VAV3: variants seen among roughly 807,000 people sequenced by gnomAD.
VAV3 encodes guanine nucleotide exchange factor VAV3.
Under a neutral mutation model 131.2 loss-of-function variants are expected in VAV3, and 94 were observed. That is an observed-to-expected ratio of 0.72 (90% confidence interval 0.61 to 0.85). The LOEUF (loss-of-function observed/expected upper bound fraction) is 0.85, where lower values mean the gene tolerates loss of function less well. Ranked by LOEUF, VAV3 falls within the 40% of genes least tolerant of loss-of-function variation. The pLI is 0.00. For synonymous variants in VAV3, 349 were observed against 342.0 expected (o/e 1.02, Z -0.22); for missense variants, 939 against 1,002.7 (o/e 0.94, Z 0.86).
chr1:107,938,703 T>C (rs1284645015), intron 1 of VAV3, among the ~76,000 whole-genome samples: 1 of 152,204 alleles, frequency 6.6e-6, no homozygotes, highest in Non-Finnish European at 1.5e-5. Context: ...AATATTCTCA[T>C]GTCAACAAGT....
chr1:107,821,696 G>A (rs1167105000), intron 2 of VAV3, among the ~76,000 whole-genome samples: 1 of 152,186 alleles, frequency 6.6e-6, no homozygotes, highest in Admixed American at 6.5e-5. Context: ...GCTGGGGAGT[G>A]CACAGTGTGA....
At chr1:107,715,128 T>C (rs1181999659) in intron 15 of VAV3, among the ~76,000 whole-genome samples, 4 of 152,110 alleles carry the variant, frequency 2.6e-5, no homozygotes, top group Non-Finnish European at 5.9e-5. Flanking sequence ...TCCTCACCAA[T>C]CAAAGAACTA....
chr1:107,749,184 T>C, intron 14 of VAV3, 107 bp from the exon 15 acceptor site: 2 of 908,100 alleles, frequency 2.2e-6, no homozygotes, highest in Non-Finnish European at 3.3e-6. Context: ...ATTATCAATG[T>C]ACAAACTGAA....
At chr1:107,682,136 T>C (rs1273333484) in intron 19 of VAV3, among the ~76,000 whole-genome samples, 2 of 152,196 alleles carry the variant, frequency 1.3e-5, no homozygotes, top group East Asian at 3.8e-4. Context: ...TACTTTGCCA[T>C]ATTTCTAATC....
intron 26 of VAV3, 72 bp downstream of exon 26, chr1:107,573,975 C>T (rs1649436094): frequency 1.3e-5 from 21 of 1,572,390 alleles, no homozygotes; most frequent in Non-Finnish European, 3.5e-6. Flanking sequence ...CTCCCTGGTG[C>T]CACAATGGGT....
intron 2 of VAV3, among the ~76,000 whole-genome samples, chr1:107,837,720 A>C (rs1476575727): frequency 3.3e-5 from 5 of 152,134 alleles, no homozygotes. Flanking sequence ...ATACAGAACC[A>C]ATAAATAAAG....
At position 107,571,166 on chromosome 1, in the gene VAV3, TTA is replaced by T. The variant is rs1649234695; in HGVS notation, c.*2163_*2164del. On this transcript the variant is annotated 3_prime_UTR_variant, in exon 27 of 27. Coordinates refer to ENST00000370056, the MANE Select transcript of VAV3 (RefSeq NM_006113.5). ...AAGACTCCAACTCTTAGAAATCAAT[TTA>T]GTCACTATTTATTATATTGACATAT... The T allele has an allele frequency of 6.6e-6, 1 of 152,656 alleles. No individual in the cohort carries two copies. Among genetic ancestry groups the T allele is most frequent in the African/African-American group, 2.4e-5 (1 of 41,452 alleles). The allele number at this position is 152,656 out of a possible 1,614,324, so 9.5% of individuals were successfully genotyped here.
At chr1:107,611,596 C>CAA (rs66982121) in intron 21 of VAV3, among the ~76,000 whole-genome samples, 1,642 of 119,908 alleles carry the variant, frequency 0.014, 17 homozygotes, top group African/African-American at 0.032. Context: ...CATAGAGAAC[C>CAA]AAAAAAAAAA....
intron 2 of VAV3, among the ~76,000 whole-genome samples, chr1:107,863,282 T>G (rs1181703611): frequency 6.6e-6 from 1 of 152,206 alleles, no homozygotes; most frequent in Non-Finnish European, 1.5e-5. Context: ...TCTTTTACAG[T>G]TGCTCTAGTA....
chr1:107,662,196 A>T (rs1160420287), intron 19 of VAV3, among the ~76,000 whole-genome samples: 3 of 152,126 alleles, frequency 2.0e-5, no homozygotes, highest in African/African-American at 7.2e-5. Flanking sequence ...GACTGTCAAC[A>T]AACTTATATC....
chr1:107,801,177 T>C (rs1433334235), intron 2 of VAV3, among the ~76,000 whole-genome samples: 1 of 152,134 alleles, frequency 6.6e-6, no homozygotes. Context: ...TTGGTCTACA[T>C]GTTTGTTTCC....
In VAV3 at chr1:107,868,350, T is replaced by C. The variant is rs976409989; in HGVS notation, c.321+6551A>G. 3.3e-5 allele frequency among the ~76,000 whole-genome samples: 5 copies of C among 152,150 alleles called. No homozygotes were observed. The South Asian group carries it at 8.3e-4, about 25-fold the overall frequency. Reference sequence around the variant, plus strand: ...CAGGTGTTGATTAACGTGTATGCACTAGATAATAAGGCTCTTTCAAGCCAT... The same window carrying C: ...CAGGTGTTGATTAACGTGTATGCACCAGATAATAAGGCTCTTTCAAGCCAT... On this transcript the variant is annotated intron_variant, in intron 2 of 26. Transcript: ENST00000370056.
intron 1 of VAV3, among the ~76,000 whole-genome samples, chr1:107,919,312 A>T (rs987219478): frequency 3.2e-4 from 49 of 152,360 alleles, no homozygotes; most frequent in African/African-American, 1.1e-3. Flanking sequence ...TTTAGAGGAA[A>T]GTAATATAAA....
chr1:107,945,901 G>A (rs1674239213), intron 1 of VAV3, among the ~76,000 whole-genome samples: 1 of 151,830 alleles, frequency 6.6e-6, no homozygotes, highest in Non-Finnish European at 1.5e-5. Context: ...TATACAAGGG[G>A]TATTTGGAAA....
intron 11 of VAV3, among the ~76,000 whole-genome samples, chr1:107,756,508 C>T (rs964854387): frequency 2.0e-5 from 3 of 152,100 alleles, no homozygotes; most frequent in Admixed American, 6.6e-5. Flanking sequence ...GAAGCTAACA[C>T]GAATTGGTAC....
At chr1:107,896,880 A>G (rs1216250675) in intron 1 of VAV3, among the ~76,000 whole-genome samples, 2 of 152,164 alleles carry the variant, frequency 1.3e-5, no homozygotes, top group Admixed American at 6.5e-5. Flanking sequence ...GGGACTAAAG[A>G]GTTTGACTCC....
At chr1:107,631,475 T>G (rs1001953928) in intron 20 of VAV3, among the ~76,000 whole-genome samples, 1 of 63,724 alleles carries the variant, frequency 1.6e-5, no homozygotes, top group Non-Finnish European at 4.0e-5. Context: ...CTTTTTTAAT[T>G]TTATTTTATT....
At chr1:107,720,833 T>C (rs1661452628) in intron 15 of VAV3, among the ~76,000 whole-genome samples, 1 of 152,170 alleles carries the variant, frequency 6.6e-6, no homozygotes, top group Admixed American at 6.5e-5. Context: ...TGAGCAGGAC[T>C]TGGGGAGCCA....
At chr1:107,928,699 G>C (rs1222736512) in intron 1 of VAV3, among the ~76,000 whole-genome samples, 1 of 152,090 alleles carries the variant, frequency 6.6e-6, no homozygotes, top group Non-Finnish European at 1.5e-5. Context: ...AAAATACACA[G>C]TCAGAGGAGG....
Sources: gnomAD v4.1 joint callset for allele counts (sites outside exome capture counted in the v4.1 genomes callset) on GRCh38, gnomAD v4.1.1 for gene constraint, MANE v1.5 for transcripts, NCBI Gene and HGNC (gene_info 2026-07-23, HGNC 2026-07-21) for gene names.